TANK: variants seen among roughly 807,000 people sequenced by gnomAD.
TANK encodes the protein TRAF family member associated NFKB activator, also known as TRAF family member-associated NF-kappa-B activator.
TANK carries 15 observed loss-of-function variants against 43.6 expected under a neutral mutation model. The observed-to-expected ratio is 0.34, with a 90% confidence interval of 0.23 to 0.53. The LOEUF is 0.53. TANK is among the 20% of genes least tolerant of loss of function. The pLI is 0.94. For missense variants in TANK, 417 were observed against 498.6 expected, an observed-to-expected ratio of 0.84 and a Z score of 1.56; for synonymous variants, 162 against 178.2, an observed-to-expected ratio of 0.91 and a Z score of 0.73.
intron 1 of TANK, among the ~76,000 whole-genome samples, chr2:161,168,036 T>C (rs1207817167): frequency 6.6e-6 from 1 of 152,186 alleles, no homozygotes; most frequent in Non-Finnish European, 1.5e-5. Flanking sequence ...TATACATTGT[T>C]GAACTATAGG....
chr2:161,179,504 TGG>T (rs1441423968), intron 1 of TANK, 108 bp from the exon 2 acceptor site: 33 of 891,938 alleles, frequency 3.7e-5, no homozygotes, highest in Non-Finnish European at 5.0e-5. Flanking sequence ...TTATAGTACT[TGG>T]TGGTATAATG....
chr2:161,154,124 G>A (rs945554330), intron 1 of TANK, among the ~76,000 whole-genome samples: 2 of 152,154 alleles, frequency 1.3e-5, no homozygotes, highest in African/African-American at 4.8e-5. Flanking sequence ...AAGAGGAAAG[G>A]ACAGGGTAAA....
At chr2:161,218,946 G>A (rs1687231574) in intron 4 of TANK, among the ~76,000 whole-genome samples, 1 of 152,144 alleles carries the variant, frequency 6.6e-6, no homozygotes, top group East Asian at 1.9e-4. Flanking sequence ...CATTTTAAAT[G>A]TAGTGTTTGG....
Position 161,140,254 on chromosome 2 carries a change from A to C in TANK, c.-50+3191A>C, listed in dbSNP as rs538274814. ...TGGGCCTTGGCATCCCCTTTTGAAA[A>C]TAATTCTTTAAATGCTTACAATGTC... On this transcript the variant is annotated intron_variant, in intron 1 of 7. Coordinates refer to the TANK transcript ENST00000259075. Among the ~76,000 whole-genome samples the C allele has an allele frequency of 1.2e-3, 177 of 152,286 alleles. 1 individual carries two copies. The highest frequency in any genetic ancestry group is 5.4e-3 in the South Asian group (26 of 4,834).
At chr2:161,192,534 G>T (rs1264550112) in intron 2 of TANK, among the ~76,000 whole-genome samples, 1 of 151,588 alleles carries the variant, frequency 6.6e-6, no homozygotes, top group Non-Finnish European at 1.5e-5. Flanking sequence ...CTGTTAAATT[G>T]TTTTTTTTAG....
At chr2:161,138,139 T>C (rs999591171) in intron 1 of TANK, 1 of 172,744 alleles carries the variant, frequency 5.8e-6, no homozygotes, top group African/African-American at 2.4e-5. Flanking sequence ...TATTCTATTA[T>C]CAATTAGCCC....
intron 1 of TANK, among the ~76,000 whole-genome samples, chr2:161,143,799 G>T (rs1249891342): frequency 6.6e-6 from 1 of 152,152 alleles, no homozygotes; most frequent in Non-Finnish European, 1.5e-5. Context: ...TCTCTGCCAG[G>T]TTTTGGTATC....
chr2:161,160,417 C>T (rs1287160283), upstream of TANK: 17 of 1,240,770 alleles, frequency 1.4e-5, no homozygotes, highest in Non-Finnish European at 1.6e-5. Flanking sequence ...ATGCAACTTC[C>T]GGTTGGAGTC....
chr2:161,233,033 T>C (rs1184673386), intron 7 of TANK: 14 of 604,096 alleles, frequency 2.3e-5, no homozygotes, highest in Non-Finnish European at 3.8e-5. Context: ...TTTATTAGTA[T>C]TAATAAAGCT....
At chr2:161,211,370 T>G (rs1377844126) in intron 4 of TANK, among the ~76,000 whole-genome samples, 1 of 152,162 alleles carries the variant, frequency 6.6e-6, no homozygotes, top group Non-Finnish European at 1.5e-5. Flanking sequence ...GTAGCTTCTC[T>G]CAACACTCCA....
chr2:161,217,795 A>G (rs1687184709), intron 4 of TANK, among the ~76,000 whole-genome samples: 1 of 152,104 alleles, frequency 6.6e-6, no homozygotes, highest in Non-Finnish European at 1.5e-5. Flanking sequence ...CCCAGAAAAT[A>G]TGACCCAGTT....
chr2:161,220,079 A>G (rs1253516955), intron 4 of TANK, among the ~76,000 whole-genome samples: 1 of 152,228 alleles, frequency 6.6e-6, no homozygotes, highest in Non-Finnish European at 1.5e-5. Context: ...TAAAACATTG[A>G]CTACACTCAG....
At chr2:161,155,006 A>G (rs1684186188) in intron 1 of TANK, among the ~76,000 whole-genome samples, 1 of 152,114 alleles carries the variant, frequency 6.6e-6, no homozygotes, top group Admixed American at 6.5e-5. Context: ...TGGCCTCTCA[A>G]AGTGATGGGA....
chr2:161,177,211 T>C (rs923941817), intron 1 of TANK, among the ~76,000 whole-genome samples: 7 of 152,160 alleles, frequency 4.6e-5, no homozygotes, highest in African/African-American at 1.7e-4. Flanking sequence ...ACTTCCTAAG[T>C]GGAATGCATA....
In TANK at chr2:161,183,104, C is replaced by A. The variant is rs138976265; in HGVS notation, c.99+3343C>A. Among the ~76,000 whole-genome samples the A allele has an allele frequency of 1.5e-3, 226 of 152,272 alleles. 3 individuals are homozygous for A. Among genetic ancestry groups the A allele is most frequent in the Non-Finnish European group, 4.6e-4 (31 of 68,012 alleles). On this transcript the variant is annotated intron_variant, in intron 2 of 7. Coordinates refer to ENST00000392749, the MANE Select transcript of TANK (RefSeq NM_001199135.3). ...TTAGCTTCTTCCTTAAATACAGGAG[C>A]TACACAATTTCCTTCTCCTTTCTAA... is the stretch of plus-strand genomic sequence containing the variant.
intron 1 of TANK, chr2:161,160,988 A>ATCATAGCCTGG (rs1684403196): frequency 2.2e-6 from 1 of 458,164 alleles, no homozygotes; most frequent in South Asian, 2.2e-5. Flanking sequence ...GTGGGGTGTC[A>ATCATAGCCTGG]TCATAGCCTG....
Position 161,230,937 on chromosome 2 carries a change from C to T in TANK, c.521-34C>T, listed in dbSNP as rs756438555. ...ACAGATTTTTTTAATGATTTGAATG[C>T]GGCTGTTTCTCTTTTGTGTTCTTCT... On this transcript the variant is annotated intron_variant, in intron 6 of 7. Transcript: ENST00000392749. The T allele has an allele frequency of 1.7e-5, 26 of 1,500,574 alleles. No individual in the cohort carries two copies. The East Asian group carries it at 2.5e-4, about 14-fold the overall frequency. 93.0% of individuals were successfully genotyped at this position (1,500,574 alleles called of 1,614,324 possible).
intron 2 of TANK, among the ~76,000 whole-genome samples, chr2:161,184,329 A>G (rs540010448): frequency 6.6e-6 from 1 of 152,304 alleles, no homozygotes; most frequent in African/African-American, 2.4e-5. Context: ...CAACAAATAT[A>G]TATTAAGAAC....
At chr2:161,141,857 T>G (rs990571786) in intron 1 of TANK, among the ~76,000 whole-genome samples, 1 of 152,188 alleles carries the variant, frequency 6.6e-6, no homozygotes, top group African/African-American at 2.4e-5. Flanking sequence ...TTAATAGGAT[T>G]GCTGGGTCAA....
Sources: allele counts gnomAD v4.1 joint callset (sites outside exome capture counted in the v4.1 genomes callset), GRCh38; gene constraint gnomAD v4.1.1; transcripts MANE v1.5; gene names NCBI Gene and HGNC (gene_info 2026-07-23, HGNC 2026-07-21).